DST: variants seen among roughly 807,000 people sequenced by gnomAD.
The protein encoded by DST is bullous pemphigoid antigen.
A neutral mutation model predicts 875.2 loss-of-function variants in DST; 253 were observed. The observed-to-expected ratio is 0.29, with a 90% CI of 0.26 to 0.32. The LOEUF (loss-of-function observed/expected upper bound fraction) is 0.32. Ranked by LOEUF, DST falls within the 10% of genes least tolerant of loss-of-function variation. The pLI is 1.00. For missense variants in DST, 8,287 were observed against 9,111.6 expected, an observed-to-expected ratio of 0.91 and a Z score of 3.68; for synonymous variants, 3,124 against 3,197.1, an observed-to-expected ratio of 0.98 and a Z score of 0.77.
At chr6:56,871,747 T>C in intron 3 of DST, 1 of 468,070 alleles carries the variant, frequency 2.1e-6, no homozygotes, top group Non-Finnish European at 3.9e-6. Context: ...CAGGAGTAAA[T>C]TCAGCGTTAA....
rs1307527201 is a variant in DST, at chr6:56,497,844, T to C, written c.20094+12A>G. On this transcript the variant is annotated intron_variant, in intron 81 of 103. Transcript: ENST00000680361. ...TGCTATAAAAACTTTCAGAATTTATTCTCTTACTCACCTGGCGCAAGGCAC... is the reference window on the plus strand; with the variant it reads ...TGCTATAAAAACTTTCAGAATTTATCCTCTTACTCACCTGGCGCAAGGCAC... 6.3e-7 allele frequency: 1 copy of C among 1,579,108 alleles called. No individual in the cohort carries two copies. Among genetic ancestry groups the C allele is most frequent in the African/African-American group, 1.4e-5 (1 of 73,214 alleles).
At chr6:56,465,648 C>A (rs1211296956) in intron 99 of DST, among the ~76,000 whole-genome samples, 5 of 151,998 alleles carry the variant, frequency 3.3e-5, no homozygotes, top group Non-Finnish European at 5.9e-5. Flanking sequence ...GCTTTCCTCA[C>A]CTGCTCTTCA....
intron 58 of DST, among the ~76,000 whole-genome samples, chr6:56,558,536 C>T (rs2097469387): frequency 6.6e-6 from 1 of 152,072 alleles, no homozygotes; most frequent in Non-Finnish European, 1.5e-5. Flanking sequence ...ACTTGGAGAA[C>T]TAATGACCTA....
chr6:56,718,285 C>G (rs1404296317), intron 5 of DST, among the ~76,000 whole-genome samples: 1 of 152,066 alleles, frequency 6.6e-6, no homozygotes, highest in Non-Finnish European at 1.5e-5. Flanking sequence ...AGAATGTACA[C>G]AAATGGCCAA....
intron 5 of DST, among the ~76,000 whole-genome samples, chr6:56,722,154 C>T (rs2099419307): frequency 6.6e-6 from 1 of 151,930 alleles, no homozygotes; most frequent in African/African-American, 2.4e-5. Context: ...GGCCCACAGG[C>T]CATAGTCTGT....
chr6:56,949,748 A>G (rs577888371), intron 2 of DST, among the ~76,000 whole-genome samples: 2 of 152,370 alleles, frequency 1.3e-5, no homozygotes, highest in South Asian at 4.1e-4. Context: ...ATTTATTTAT[A>G]AAGATAACCT....
chr6:56,788,839 T>C (rs895683403), intron 4 of DST, among the ~76,000 whole-genome samples: 1 of 152,370 alleles, frequency 6.6e-6, no homozygotes, highest in Middle Eastern at 3.4e-3. Context: ...CTGTGAATCA[T>C]GTTAAACTTT....
At chr6:56,684,521 A>G (rs967529256) in intron 9 of DST, among the ~76,000 whole-genome samples, 1 of 152,206 alleles carries the variant, frequency 6.6e-6, no homozygotes, top group East Asian at 1.9e-4. Flanking sequence ...CTACTGAACA[A>G]GCTTAGACTA....
intron 4 of DST, among the ~76,000 whole-genome samples, chr6:56,850,298 G>A (rs748056688): frequency 6.6e-6 from 1 of 151,920 alleles, no homozygotes; most frequent in Admixed American, 6.5e-5. Context: ...AATCCCACTG[G>A]GGGGACAAAA....
intron 13 of DST, among the ~76,000 whole-genome samples, chr6:56,647,868 T>C (rs2098952794): frequency 6.6e-6 from 1 of 151,974 alleles, no homozygotes; most frequent in East Asian, 1.9e-4. Context: ...GTATTTTTAA[T>C]AGAGATGGGG....
chr6:56,494,707 T>A (rs2095854111), intron 82 of DST, among the ~76,000 whole-genome samples: 1 of 152,150 alleles, frequency 6.6e-6, no homozygotes, highest in Non-Finnish European at 1.5e-5. Context: ...GAATCAAACT[T>A]GTGGTACTAT....
Position 56,607,846 on chromosome 6 carries a change from A to C in DST, c.6782T>G (p.Leu2261Arg), listed in dbSNP as rs2098511904. 1 of 1,613,638 alleles carries C rather than the reference A, an allele frequency of 6.2e-7. No individual in the cohort carries two copies. The change falls in exon 40 of 104, where the codon CTT (leucine) becomes CGT (arginine). Residue 2261 changes from leucine (L) to arginine (R), a missense_variant. By Grantham distance (102) the Leu-to-Arg change is moderately radical. Around this residue, in one of 10 missense-constraint regions of DST, gnomAD observed 3,138 missense variants for 3,116.6 expected, o/e 1.01. Coordinates refer to ENST00000680361, the MANE Select transcript of DST (RefSeq NM_001374736.1). Reference sequence around the variant, plus strand: ...CTTTTCTCTACCTGAAGCATTATTAAGAAATACACCAGATGAGCTTAAGAC... The same window carrying C: ...CTTTTCTCTACCTGAAGCATTATTACGAAATACACCAGATGAGCTTAAGAC... ...LDVLSSSGVF[L>R]NNASGREKDE...
chr6:56,495,011 T>TATAC (rs2095861481), intron 82 of DST, among the ~76,000 whole-genome samples: 1 of 151,976 alleles, frequency 6.6e-6, no homozygotes, highest in South Asian at 2.1e-4. Context: ...CTATTATAAG[T>TATAC]ATACAATTCA....
Position 56,532,520 on chromosome 6 carries a change from A to G in DST, c.16942-10T>C, listed in dbSNP as rs2096913614. The G allele has an allele frequency of 6.4e-7, 1 of 1,565,782 alleles. No individual in the cohort carries two copies. Among genetic ancestry groups the G allele is most frequent in the Non-Finnish European group, 8.6e-7 (1 of 1,156,646 alleles). On this transcript the variant is annotated splice_polypyrimidine_tract_variant and intron_variant, in intron 63 of 103. Coordinates refer to ENST00000680361, the MANE Select transcript of DST (RefSeq NM_001374736.1). ...ACAATCTCTGGAGAAGCTTGAGACA[A>G]AACATTAAATATAAAAAAGCAAGGG...
Position 56,497,485 on chromosome 6 carries a change from A to G in DST, c.20117T>C (p.Ile6706Thr), listed in dbSNP as rs1038902500. ...AGTCAGCCACTGCTGCAAATCCTCA[A>G]TTTCGCCATGGAACCCTTTGGCCTG... ...LRQAKGFHGE[I>T]EDLQQWLTDT... Residue 6706 changes from isoleucine to threonine, a missense_variant, in exon 82 of 104, where the codon ATT (isoleucine) becomes ACT (threonine). Physicochemically the swap from Ile to Thr is moderately conservative, Grantham distance 89. This residue lies in a region of DST where 1,292 missense variants were observed against 1,552.7 expected (regional missense o/e 0.83). Transcript: ENST00000680361. 4 of 1,612,816 alleles carry G rather than the reference A, an allele frequency of 2.5e-6. No homozygotes were observed. Among genetic ancestry groups the G allele is most frequent in the Non-Finnish European group, 2.5e-6 (3 of 1,179,346 alleles).
rs1418491493 is a variant in DST at position 56,529,520 on chromosome 6, A to G, written c.17523T>C (p.His5841=). The G allele has an allele frequency of 6.2e-7, 1 of 1,612,870 alleles. No individual in the cohort carries two copies. Among genetic ancestry groups the G allele is most frequent in the East Asian group, 2.2e-5 (1 of 44,862 alleles). The part of the protein sequence containing the change: ...VELMNWLNEV[H]DKLSKLSVQD... Reference sequence around the variant, plus strand: ...GGACTGAGAGCTTGCTCAGTTTGTCATGCACTTCATTCAGCCAGTTCATCA... The same window carrying G: ...GGACTGAGAGCTTGCTCAGTTTGTCGTGCACTTCATTCAGCCAGTTCATCA... Residue 5841 remains histidine, a synonymous_variant, in exon 66 of 104, where the codon CAT becomes CAC. Transcript: ENST00000680361.
chr6:56,469,127 A>C (rs955406441), intron 97 of DST, 128 bp from the exon 98 acceptor site: 4 of 543,304 alleles, frequency 7.4e-6, no homozygotes, highest in Non-Finnish European at 9.1e-6. Context: ...AGAGATGTGC[A>C]GGCACCCAGT....
At chr6:56,473,446 A>T (rs960425921) in intron 93 of DST, among the ~76,000 whole-genome samples, 3 of 152,218 alleles carry the variant, frequency 2.0e-5, no homozygotes, top group African/African-American at 7.2e-5. Flanking sequence ...AAGTCACATG[A>T]ACATGGGCAA....
chr6:56,834,665 C>T (rs1314757283), intron 4 of DST, among the ~76,000 whole-genome samples: 2 of 151,944 alleles, frequency 1.3e-5, no homozygotes, highest in Non-Finnish European at 2.9e-5. Flanking sequence ...GAAATACCAC[C>T]ACGCACCTAT....
Sources: allele counts gnomAD v4.1 joint callset (sites outside exome capture counted in the v4.1 genomes callset), GRCh38; gene constraint gnomAD v4.1.1; regional missense constraint gnomAD v4.1.1; transcripts MANE v1.5; gene names NCBI Gene and HGNC (gene_info 2026-07-23, HGNC 2026-07-21).